The following SLC22A31 variants were observed in gnomAD, a reference collection of about 807,000 sequenced individuals.
SLC22A31 encodes the protein solute carrier family 22 member 31.
In SLC22A31, 42 loss-of-function variants were observed where a neutral mutation model predicts 27.4. The ratio of observed to expected loss-of-function variants is 1.53; its 90% CI spans 1.20 to 1.98. SLC22A31 has a LOEUF of 1.98. Among genes scored for constraint, SLC22A31 ranks in the 30% most tolerant of loss-of-function variants. The probability of loss-of-function intolerance (pLI) is 0.00; values close to 1 mark genes in which losing one functional copy is unlikely to be tolerated. For missense variants in SLC22A31, 593 were observed against 479.9 expected (o/e 1.24, Z -2.20); for synonymous variants, 290 against 230.8 (o/e 1.26, Z -2.33).
At chr16:89,197,836 G>A (rs528412951) in intron 7 of SLC22A31, among the ~76,000 whole-genome samples, 23 of 152,308 alleles carry the variant, frequency 1.5e-4, no homozygotes, top group Admixed American at 1.4e-3. Context: ...TCGGCCACCT[G>A]GAACTCTGGG....
intron 1 of SLC22A31, 42 bp from the exon 2 acceptor site, chr16:89,199,858 T>A (rs1282874029): frequency 7.5e-6 from 3 of 401,230 alleles, no homozygotes; most frequent in African/African-American, 4.1e-5. Context: ...CTCAGGACCC[T>A]CCCCTGGGGA....
chr16:89,200,764 C>G (rs1309334410), upstream of SLC22A31, among the ~76,000 whole-genome samples: 3 of 152,220 alleles, frequency 2.0e-5, no homozygotes, highest in Non-Finnish European at 2.9e-5. Context: ...GCCCGCCTCC[C>G]CATCTCTTCT....
At chr16:89,201,500 C>A, upstream of SLC22A31, 1 of 396,714 alleles carries the variant, frequency 2.5e-6, no homozygotes, top group Non-Finnish European at 4.5e-6. Flanking sequence ...GGGGCAACAG[C>A]GTGGGGTCCG....
chr16:89,196,875 G>C (rs1036205827), intron 8 of SLC22A31, among the ~76,000 whole-genome samples: 1 of 151,334 alleles, frequency 6.6e-6, no homozygotes, highest in African/African-American at 2.4e-5. Context: ...GAACCAGAGA[G>C]TTGGAGGCTG....
rs1014113325 is a variant in SLC22A31 at position 89,198,160 on chromosome 16, G to C, written c.884C>G (p.Thr295Arg). The stretch of plus-strand genomic sequence containing the variant: ...GAGGAGCAGCAGGGATGCCAGGCCT[G>C]TGACCATGGTGCCCAGCAGCAGCAC... Reference protein sequence around the residue: ...RPVLLLGTMVTGLASLLLLAG... With the variant: ...RPVLLLGTMVRGLASLLLLAG... The change falls in exon 7 of 9, where the codon ACA becomes AGA. Residue 295 changes from threonine to arginine, a missense_variant. Thr to Arg is a moderately conservative substitution (Grantham distance 71). Coordinates refer to ENST00000682282, the MANE Select transcript of SLC22A31 (RefSeq NM_001384763.1). The C allele has an allele frequency of 7.2e-6, 11 of 1,534,928 alleles. No homozygotes were observed. The highest frequency in any genetic ancestry group is 7.8e-6 in the Non-Finnish European group (9 of 1,146,824).
intron 2 of SLC22A31, 35 bp from the exon 3 acceptor site, chr16:89,199,602 C>T: frequency 2.4e-6 from 1 of 423,328 alleles, no homozygotes; most frequent in Non-Finnish European, 4.2e-6. Flanking sequence ...TGGACAGGGT[C>T]AGGATAACCC....
At chr16:89,201,656 C>T, upstream of SLC22A31, 1 of 397,048 alleles carries the variant, frequency 2.5e-6, no homozygotes, top group East Asian at 3.6e-5. Flanking sequence ...CCCGCGCCTC[C>T]TGCTCCATCG....
At chr16:89,196,478 G>A (rs1915935469) in intron 8 of SLC22A31, 173 bp from the exon 9 acceptor site, 2 of 1,261,450 alleles carry the variant, frequency 1.6e-6, no homozygotes, top group Admixed American at 5.8e-5. Flanking sequence ...CTGTGGGAGA[G>A]AGTGCGTTGG....
rs73264006 is a variant in SLC22A31, at chr16:89,196,556, G to A, written c.1035-251C>T. Among the ~76,000 whole-genome samples, 1,238 of 152,346 alleles carry A rather than the reference G, an allele frequency of 8.1e-3. 19 individuals carry two copies. Among genetic ancestry groups the A allele is most frequent in the African/African-American group, 0.028 (1,183 of 41,578 alleles). The stretch of plus-strand genomic sequence containing the variant: ...TCCAGAGTGAGCAGGGGGAAGGCCC[G>A]GCCTCCGCACAGCCTAAGGTTTGCT... On this transcript the variant is annotated intron_variant, in intron 8 of 8. Transcript: ENST00000682282.
Position 89,199,164 on chromosome 16 carries a change from C to A in SLC22A31, c.311G>T (p.Arg104Leu). 1 of 1,530,874 alleles carries A rather than the reference C, an allele frequency of 6.5e-7. No homozygotes were observed. Among genetic ancestry groups the A allele is most frequent in the Non-Finnish European group, 8.7e-7 (1 of 1,144,892 alleles). 94.8% of individuals were successfully genotyped at this position (1,530,874 alleles called of 1,614,324 possible). A position where few individuals can be genotyped will look rare whatever the true frequency, so the allele number is the denominator to read the frequency against. ...GCCAGCCCCCATGGAGAAGGCCAGG[C>A]GGTGGGGAGGGTCACACAACTCCAG... ...ARLELCDPPH[R>L]LAFSMGAGLF... The change falls in exon 4 of 9, where the codon CGC becomes CTC. Residue 104 changes from arginine (R) to leucine (L), a missense_variant. Arg to Leu is a moderately radical substitution (Grantham distance 102). Transcript: ENST00000682282.
chr16:89,198,606 C>G (rs1916220420), intron 5 of SLC22A31, 46 bp downstream of exon 5: 1 of 1,525,032 alleles, frequency 6.6e-7, no homozygotes, highest in Admixed American at 2.0e-5. Context: ...TCTCCGAAGC[C>G]CTCCTCCAGT....
Position 89,199,077 on chromosome 16 carries a change from C to T in SLC22A31, c.398G>A (p.Arg133His), listed in dbSNP as rs193205099. ...PGLAALVQDW[R>H]LLQGLGALMS... ...CAGGGCACCCAGCCCCTGCAGAAGA[C>T]GCCAGTCCTGCACAAGCGCAGCCAG... Residue 133 changes from arginine (R) to histidine (H), a missense_variant, in exon 4 of 9, where the codon CGT (arginine) becomes CAT (histidine). Physicochemically the swap from Arg to His is conservative, Grantham distance 29. Transcript: ENST00000682282. 2,525 of 1,535,648 alleles carry T rather than the reference C, an allele frequency of 1.6e-3. 7 individuals carry two copies. Among genetic ancestry groups the T allele is most frequent in the Admixed American group, 3.5e-3 (178 of 51,000 alleles).
At position 89,195,938 on chromosome 16, in the gene SLC22A31, T is replaced by C. The variant is rs1373065651; in HGVS notation, c.*61A>G. 3.5e-6 allele frequency: 5 copies of C among 1,427,032 alleles called. No homozygotes were observed. The African/African-American group carries it at 7.2e-5, about 21-fold the overall frequency. 88.4% of individuals were successfully genotyped at this position (1,427,032 alleles called of 1,614,324 possible). On this transcript the variant is annotated 3_prime_UTR_variant, in exon 9 of 9. Transcript: ENST00000682282. ...GCCCTGGACCAGACGTCTGGGGTAC[T>C]CAGCCATGCCCCAGGCCTTGACTTT...
In SLC22A31 at chr16:89,195,811, A is replaced by G; in HGVS notation, c.*188T>C. 1 of 582,294 alleles carries G rather than the reference A, an allele frequency of 1.7e-6. No homozygotes were observed. The highest frequency in any genetic ancestry group is 2.9e-5 in the South Asian group (1 of 33,988). 36.1% of individuals were successfully genotyped at this position (582,294 alleles called of 1,614,324 possible). On this transcript the variant is annotated 3_prime_UTR_variant, in exon 9 of 9. Coordinates refer to ENST00000682282, the MANE Select transcript of SLC22A31 (RefSeq NM_001384763.1). ...ACCTACTGGGTGTGGCTGGGGGGAG[A>G]CCCAGGGCCTCCCAGTGCCTGGGGC...
chr16:89,196,603 T>C (rs1278437375), intron 8 of SLC22A31, among the ~76,000 whole-genome samples: 1 of 152,198 alleles, frequency 6.6e-6, no homozygotes, highest in Admixed American at 6.5e-5. Context: ...ATTTGAAAAA[T>C]TGTTTTGGAA....
chr16:89,201,323 C>T, upstream of SLC22A31: 2 of 342,134 alleles, frequency 5.8e-6, no homozygotes, highest in African/African-American at 2.2e-5. Context: ...GCCGCGTGTG[C>T]AGGGCCGGGT....
intron 4 of SLC22A31, 21 bp downstream of exon 4, chr16:89,199,002 C>G (rs1295835549): frequency 6.5e-7 from 1 of 1,532,258 alleles, no homozygotes; most frequent in African/African-American, 1.4e-5. Context: ...GGGCTGCTGG[C>G]CCAGCTCCCA....
chr16:89,197,479 C>A, intron 7 of SLC22A31, 70 bp from the exon 8 acceptor site: 1 of 1,095,710 alleles, frequency 9.1e-7, no homozygotes, highest in Non-Finnish European at 1.3e-6. Context: ...CAGGGCCCTT[C>A]CCCAGAGAAC....
At chr16:89,198,865 G>A in intron 4 of SLC22A31, 68 bp from the exon 5 acceptor site, 1 of 1,497,178 alleles carries the variant, frequency 6.7e-7, no homozygotes, top group Non-Finnish European at 8.9e-7. Flanking sequence ...AAAGGCCAGG[G>A]CCCCCACCCC....
Sources: allele counts gnomAD v4.1 joint callset (sites outside exome capture counted in the v4.1 genomes callset), GRCh38; gene constraint gnomAD v4.1.1; transcripts MANE v1.5; gene names NCBI Gene and HGNC (gene_info 2026-07-23, HGNC 2026-07-21).